GLRA2: variants seen among roughly 807,000 people sequenced by gnomAD.
GLRA2 encodes the protein glycine receptor subunit alpha-2.
In GLRA2, 11 loss-of-function variants were observed where a neutral mutation model predicts 31.6. The ratio of observed to expected loss-of-function variants is 0.35; its 90% CI spans 0.22 to 0.58. GLRA2 has a LOEUF of 0.58. GLRA2 is among the 20% of genes least tolerant of loss of function. The probability of loss-of-function intolerance (pLI) is 0.84; values close to 1 mark genes in which losing one functional copy is unlikely to be tolerated. For synonymous variants in GLRA2, 132 were observed against 134.0 expected, an observed-to-expected ratio of 0.99 and a Z score of 0.10; for missense variants, 212 against 351.8, an observed-to-expected ratio of 0.60 and a Z score of 3.18.
intron 7 of GLRA2, among the ~76,000 whole-genome samples, chrX:14,652,497 C>A (rs908558995): frequency 9.0e-6 from 1 of 111,541 alleles, no homozygotes; most frequent in Non-Finnish European, 1.9e-5. Flanking sequence ...TATAAGCACC[C>A]CTTTTCCCAC....
the GLRA2 span, among the ~76,000 whole-genome samples, chrX:14,459,928 G>C: frequency 2.7e-5 from 3 of 112,223 alleles, no homozygotes; most frequent in African/African-American, 9.7e-5. Flanking sequence ...AGTGGTGAGA[G>C]AGGGCATCCC....
At chrX:14,495,276 C>T in the GLRA2 span, among the ~76,000 whole-genome samples, 2 of 110,997 alleles carry the variant, frequency 1.8e-5, no homozygotes, top group Admixed American at 1.9e-4. Context: ...AAAACATATT[C>T]AATATAAGAC....
chrX:14,658,334 T>C (rs2090959360), intron 7 of GLRA2, among the ~76,000 whole-genome samples: 1 of 112,033 alleles, frequency 8.9e-6, no homozygotes, highest in African/African-American at 3.2e-5. Context: ...AAAATGGTTT[T>C]ATTCAAAGTC....
At chrX:14,471,884 G>A in the GLRA2 span, among the ~76,000 whole-genome samples, 1 of 112,429 alleles carries the variant, frequency 8.9e-6, no homozygotes, top group Admixed American at 9.4e-5. Context: ...AGATTTCACA[G>A]TGTGATTAAA....
intron 2 of GLRA2, among the ~76,000 whole-genome samples, chrX:14,551,760 A>G (rs1438362530): frequency 1.8e-5 from 2 of 111,736 alleles, no homozygotes; most frequent in African/African-American, 6.5e-5. Context: ...TTTTCATTTA[A>G]CAATCTCAAA....
chrX:14,575,349 C>T (rs760555154), intron 3 of GLRA2, among the ~76,000 whole-genome samples: 39 of 110,406 alleles, frequency 3.5e-4, no homozygotes, highest in Non-Finnish European at 4.2e-4. Context: ...TACAGGTGCA[C>T]GCCACCATGC....
At chrX:14,454,570 T>TAAA in the GLRA2 span, among the ~76,000 whole-genome samples, 66 of 87,677 alleles carry the variant, frequency 7.5e-4, no homozygotes, top group Admixed American at 2.6e-3. Context: ...GCCCTCAAGG[T>TAAA]AAAAAAAAAA....
chrX:14,529,709 C>A lies in GLRA2; in HGVS notation c.-349C>A. On this transcript the variant is annotated 5_prime_UTR_variant, in exon 1 of 9. Coordinates refer to ENST00000218075, the MANE Select transcript of GLRA2 (RefSeq NM_002063.4). ...AACAGAAAAGATATAAAACAAAAGC[C>A]ACAGCTATCTAGCATGGCATTGTCA... The A allele has an allele frequency of 9.2e-6, 2 of 217,696 alleles. No homozygotes were observed. Among genetic ancestry groups the A allele is most frequent in the Non-Finnish European group, 1.6e-5 (2 of 122,295 alleles). 17.9% of individuals were successfully genotyped at this position (217,696 alleles called of 1,213,427 possible). A position where few individuals can be genotyped will look rare whatever the true frequency, so the allele number is the denominator to read the frequency against.
chrX:14,462,428 A>G, the GLRA2 span, among the ~76,000 whole-genome samples: 4,312 of 111,747 alleles, frequency 0.039, 216 homozygotes, highest in African/African-American at 0.13. Context: ...CCTGGATAAT[A>G]TCCTGAAGAG....
rs2091987707 is a variant in GLRA2, at chrX:14,730,951, A to ATT, written c.*466_*467insTT. 1.0e-5 allele frequency: 1 copy of ATT among 97,716 alleles called. No homozygotes were observed. Among genetic ancestry groups the ATT allele is most frequent in the African/African-American group, 4.3e-5 (1 of 22,998 alleles). 8.1% of individuals were successfully genotyped at this position (97,716 alleles called of 1,213,427 possible). A position where few individuals can be genotyped will look rare whatever the true frequency, so the allele number is the denominator to read the frequency against. ...ACACACACACACACACACACACACA[A>ATT]ACTTCAAAAATGCTTAACCATCTGA... On this transcript the variant is annotated 3_prime_UTR_variant, in exon 9 of 9. Transcript: ENST00000218075.
intron 4 of GLRA2, among the ~76,000 whole-genome samples, chrX:14,598,349 GT>G (rs2090231066): frequency 1.8e-5 from 2 of 112,324 alleles, no homozygotes; most frequent in Admixed American, 1.9e-4. Context: ...TCCCTCAAGA[GT>G]TTCATTGGGA....
At chrX:14,706,817 A>G (rs181030661) in intron 8 of GLRA2, among the ~76,000 whole-genome samples, 1 of 112,339 alleles carries the variant, frequency 8.9e-6, no homozygotes, top group African/African-American at 3.2e-5. Context: ...TAAAACAATA[A>G]TTCTAAATAG....
chrX:14,532,357 A>G lies in GLRA2; in HGVS notation c.187A>G (p.Arg63Gly). Residue 63 changes from arginine (R) to glycine (G), a missense_variant, in exon 2 of 9, where the codon AGG becomes GGG. This residue lies in a region of GLRA2 where 110 missense variants were observed against 232.6 expected (regional missense o/e 0.47). Transcript: ENST00000218075. ...GACATCAGGATATGATGCAAGAATC[A>G]GGCCAAATTTTAAAGGTAGGTTCCA... The part of the protein sequence containing the change: ...GRTSGYDARI[R>G]PNFKGPPVNV... 8.4e-7 allele frequency: 1 copy of G among 1,186,269 alleles called. No homozygotes were observed. Among genetic ancestry groups the G allele is most frequent in the Non-Finnish European group, 1.1e-6 (1 of 878,302 alleles).
At chrX:14,496,211 G>A in the GLRA2 span, among the ~76,000 whole-genome samples, 1 of 111,285 alleles carries the variant, frequency 9.0e-6, no homozygotes, top group Non-Finnish European at 1.9e-5. Flanking sequence ...GACATAGAGG[G>A]ACTGTTTCCC....
At chrX:14,507,416 C>A in the GLRA2 span, among the ~76,000 whole-genome samples, 8 of 111,275 alleles carry the variant, frequency 7.2e-5, no homozygotes, top group African/African-American at 2.6e-4. Context: ...ATGTTTGGCA[C>A]GCTATCTGCC....
intron 7 of GLRA2, among the ~76,000 whole-genome samples, chrX:14,624,124 A>G (rs1016784814): frequency 9.0e-6 from 1 of 111,490 alleles, no homozygotes; most frequent in Non-Finnish European, 1.9e-5. Context: ...TAGATTTTCT[A>G]GTTTATTTGT....
chrX:14,703,061 C>T (rs2091568451), intron 8 of GLRA2, among the ~76,000 whole-genome samples: 1 of 111,511 alleles, frequency 9.0e-6, no homozygotes, highest in Non-Finnish European at 1.9e-5. Flanking sequence ...AGATGCTAGG[C>T]ATGGTTTCGT....
intron 5 of GLRA2, 146 bp downstream of exon 5, chrX:14,604,543 AGTGTGTGTGT>A (rs377121617): frequency 0.018 from 2,935 of 159,571 alleles, 17 homozygotes; most frequent in African/African-American, 0.038. Flanking sequence ...GACAAACCAA[AGTGTGTGTGT>A]GTGTGTGTGT....
chrX:14,489,921 T>G, the GLRA2 span, among the ~76,000 whole-genome samples: 2 of 111,349 alleles, frequency 1.8e-5, no homozygotes, highest in African/African-American at 3.3e-5. Flanking sequence ...CTTTTTTTTT[T>G]GAAAAATCCT....
Sources: gnomAD v4.1 joint callset for allele counts (sites outside exome capture counted in the v4.1 genomes callset) on GRCh38, gnomAD v4.1.1 for gene constraint, gnomAD v4.1.1 regional missense constraint, MANE v1.5 for transcripts, NCBI Gene and HGNC (gene_info 2026-07-23, HGNC 2026-07-21) for gene names.